EFCC1: variants seen among roughly 807,000 people sequenced by gnomAD.
EFCC1 encodes EF-hand and coiled-coil domain containing 1.
EFCC1 carries 50 observed loss-of-function variants against 52.1 expected under a neutral mutation model. The observed-to-expected ratio is 0.96, with a 90% CI of 0.76 to 1.21. The LOEUF (loss-of-function observed/expected upper bound fraction) is 1.21. Among genes scored for constraint, EFCC1 ranks in the 50% most tolerant of loss-of-function variants. The pLI is 0.00. For missense variants in EFCC1, 837 were observed against 867.3 expected (o/e 0.97, Z 0.44); for synonymous variants, 399 against 396.5 (o/e 1.01, Z -0.08).
intron 2 of EFCC1, among the ~76,000 whole-genome samples, chr3:129,008,583 G>A (rs917488577): frequency 2.0e-5 from 3 of 152,184 alleles, no homozygotes; most frequent in South Asian, 2.1e-4. Context: ...TTCTAAGCAC[G>A]TTCTGTGGAC....
chr3:129,003,846 C>A lies in EFCC1; in HGVS notation c.749C>A (p.Pro250Gln). Residue 250 changes from proline (P) to glutamine (Q), a missense_variant, in exon 2 of 8, where the codon CCG becomes CAG. Physicochemically the swap from Pro to Gln is moderately conservative, Grantham distance 76 (BLOSUM62 -1). Transcript: ENST00000683648. ...ASTHEMGHGG[P>Q]EAAVRELRQA... ...ACCCACGAGATGGGGCACGGCGGGCCGGAGGCTGCGGTGCGGGAGCTGCGT... is the reference window on the plus strand; with the variant it reads ...ACCCACGAGATGGGGCACGGCGGGCAGGAGGCTGCGGTGCGGGAGCTGCGT... 6.9e-7 allele frequency: 1 copy of A among 1,454,706 alleles called. No individual in the cohort carries two copies. The highest frequency in any genetic ancestry group is 9.0e-7 in the Non-Finnish European group (1 of 1,107,124). 90.1% of individuals were successfully genotyped at this position (1,454,706 alleles called of 1,614,324 possible).
At chr3:129,036,421 G>A (rs1427072176) in intron 5 of EFCC1, among the ~76,000 whole-genome samples, 2 of 152,236 alleles carry the variant, frequency 1.3e-5, no homozygotes, top group African/African-American at 4.8e-5. Flanking sequence ...AAAACACTTT[G>A]TGACTGCCTG....
At chr3:129,008,626 A>C (rs925504700) in intron 2 of EFCC1, among the ~76,000 whole-genome samples, 1 of 151,454 alleles carries the variant, frequency 6.6e-6, no homozygotes, top group Non-Finnish European at 1.5e-5. Context: ...GGGACACAGA[A>C]ATGGCAGTAG....
rs375512676 is a variant in EFCC1 at position 129,026,674 on chromosome 3, A to G, written c.981-4029A>G. Among the ~76,000 whole-genome samples, 32 of 152,230 alleles carry G rather than the reference A, an allele frequency of 2.1e-4. 1 individual carries two copies. The highest frequency in any genetic ancestry group is 7.7e-4 in the African/African-American group (32 of 41,524). On this transcript the variant is annotated intron_variant, in intron 2 of 7. Transcript: ENST00000683648. ...CTGCCTCTACCCTTGAGTCTTGGAG[A>G]CAGTGACCTTATTCCCTTGTGTCTT...
At chr3:129,011,891 C>T (rs937670714) in intron 2 of EFCC1, among the ~76,000 whole-genome samples, 1 of 152,224 alleles carries the variant, frequency 6.6e-6, no homozygotes, top group Non-Finnish European at 1.5e-5. Context: ...GCAATAAATG[C>T]ATCCTTCAGA....
intron 3 of EFCC1, 50 bp downstream of exon 3, chr3:129,030,910 G>C (rs1389072233): frequency 1.3e-6 from 2 of 1,511,986 alleles, no homozygotes; most frequent in African/African-American, 1.4e-5. Flanking sequence ...AGTCCCTCCG[G>C]CTGTGCTCAG....
intron 2 of EFCC1, among the ~76,000 whole-genome samples, chr3:129,011,585 C>A (rs1945332202): frequency 1.3e-5 from 2 of 151,874 alleles, no homozygotes; most frequent in African/African-American, 4.8e-5. Context: ...CAGGGACACT[C>A]ATTCTTGTCT....
intron 2 of EFCC1, among the ~76,000 whole-genome samples, chr3:129,030,053 G>A (rs1946239592): frequency 6.6e-6 from 1 of 151,912 alleles, no homozygotes; most frequent in Admixed American, 6.6e-5. Context: ...GGGTGTGGTG[G>A]CGCATACCTG....
At chr3:129,002,437 C>T in intron 1 of EFCC1, 113 bp downstream of exon 1, 3 of 1,401,976 alleles carry the variant, frequency 2.1e-6, no homozygotes, top group Admixed American at 3.1e-5. Flanking sequence ...AGACAGAGGG[C>T]AGCCCCACAC....
chr3:129,009,569 C>T (rs1945226306), intron 2 of EFCC1, among the ~76,000 whole-genome samples: 1 of 152,212 alleles, frequency 6.6e-6, no homozygotes, highest in Non-Finnish European at 1.5e-5. Context: ...ACTGGCCAAA[C>T]CTTAGTCACA....
intron 2 of EFCC1, among the ~76,000 whole-genome samples, chr3:129,024,053 A>G (rs1213432769): frequency 6.6e-6 from 1 of 152,164 alleles, no homozygotes; most frequent in Non-Finnish European, 1.5e-5. Context: ...CCATTCATTC[A>G]TTTGACAAAC....
intron 6 of EFCC1, among the ~76,000 whole-genome samples, chr3:129,038,611 C>T (rs993754872): frequency 1.3e-5 from 2 of 152,240 alleles, no homozygotes; most frequent in Non-Finnish European, 2.9e-5. Flanking sequence ...TCTTTGATGG[C>T]ATGGATCCTG....
At chr3:129,015,187 C>T (rs1004221081) in intron 2 of EFCC1, among the ~76,000 whole-genome samples, 3 of 152,188 alleles carry the variant, frequency 2.0e-5, no homozygotes, top group African/African-American at 7.2e-5. Context: ...CTCCTGCAGC[C>T]ACACTGACCC....
intron 4 of EFCC1, 120 bp from the exon 5 acceptor site, chr3:129,034,044 T>A: frequency 8.0e-7 from 1 of 1,255,416 alleles, no homozygotes; most frequent in Non-Finnish European, 1.1e-6. Context: ...GGCAGGCAGG[T>A]GCCGTGGCCT....
intron 6 of EFCC1, among the ~76,000 whole-genome samples, chr3:129,038,390 C>A (rs1946383560): frequency 6.6e-6 from 1 of 152,220 alleles, no homozygotes; most frequent in Non-Finnish European, 1.5e-5. Context: ...GGCCATGCAG[C>A]CTCACGGTAG....
At chr3:129,031,227 C>T (rs973374177) in intron 3 of EFCC1, among the ~76,000 whole-genome samples, 2 of 152,134 alleles carry the variant, frequency 1.3e-5, no homozygotes, top group Non-Finnish European at 2.9e-5. Flanking sequence ...CTCAGGGGTT[C>T]GAAACCAGCC....
chr3:129,022,020 G>A (rs548525479), intron 2 of EFCC1, among the ~76,000 whole-genome samples: 78 of 152,302 alleles, frequency 5.1e-4, no homozygotes, highest in African/African-American at 1.2e-3. Flanking sequence ...AGAGGTGGCC[G>A]GGGCAGGCGC....
At chr3:129,034,389 G>C in intron 5 of EFCC1, 60 bp downstream of exon 5, 1 of 1,564,596 alleles carries the variant, frequency 6.4e-7, no homozygotes, top group South Asian at 1.2e-5. Flanking sequence ...CAGCTGGAAG[G>C]GTCTGAGGGA....
At chr3:129,025,716 T>C (rs1322621188) in intron 2 of EFCC1, among the ~76,000 whole-genome samples, 1 of 152,052 alleles carries the variant, frequency 6.6e-6, no homozygotes, top group Non-Finnish European at 1.5e-5. Flanking sequence ...GGAGAAGCAG[T>C]TGAATACTGG....
Sources: allele counts gnomAD v4.1 joint callset (sites outside exome capture counted in the v4.1 genomes callset), GRCh38; gene constraint gnomAD v4.1.1; transcripts MANE v1.5; gene names NCBI Gene and HGNC (gene_info 2026-07-23, HGNC 2026-07-21).